Variants in C3orf52 observed in about 807,000 individuals in gnomAD.
C3orf52 encodes the protein TPA-induced transmembrane protein.
C3orf52 carries 22 observed loss-of-function variants against 24.8 expected under a neutral mutation model. The ratio of observed to expected loss-of-function variants is 0.89; its 90% CI spans 0.63 to 1.27. The LOEUF (loss-of-function observed/expected upper bound fraction) is 1.27, where lower values mean the gene tolerates loss of function less well. Ranked by LOEUF, C3orf52 falls within the 50% of genes most tolerant of loss-of-function variation. The pLI is 0.00. For synonymous variants in C3orf52, 93 were observed against 100.2 expected (o/e 0.93, Z 0.43); for missense variants, 265 against 260.7 (o/e 1.02, Z -0.11).
chr3:112,115,657 C>T (rs997899749), intron 5 of C3orf52, among the ~76,000 whole-genome samples: 1 of 152,070 alleles, frequency 6.6e-6, no homozygotes, highest in Non-Finnish European at 1.5e-5. Flanking sequence ...CGAGTATTTC[C>T]CTGAGGCCAG....
chr3:112,109,722 G>A (rs76067708), intron 4 of C3orf52, 109 bp downstream of exon 4: 28,804 of 668,556 alleles, frequency 0.043, 835 homozygotes, highest in South Asian at 0.1. Context: ...AGAGCATGAA[G>A]GGAACCTGTA....
intron 5 of C3orf52, among the ~76,000 whole-genome samples, chr3:112,113,638 G>A (rs866927952): frequency 2.0e-5 from 3 of 151,954 alleles, no homozygotes; most frequent in Admixed American, 6.6e-5. Context: ...ATTAATAGAG[G>A]GGTATACAAA....
Position 112,086,417 on chromosome 3 carries a change from G to GC in C3orf52, c.13dup (p.Gln5ProfsTer44), listed in dbSNP as rs755185953. 15 of 1,549,692 alleles carry GC rather than the reference G, an allele frequency of 9.7e-6. No homozygotes were observed. In the African/African-American group the frequency reaches 1.9e-4, roughly 20 times the overall value. On this transcript the variant is annotated frameshift_variant, in exon 1 of 6. Transcript: ENST00000264848. LOFTEE classifies it high-confidence loss of function. ...CTTTCCCTGCCGGCACATGGACCTG[G>GC]CCCAACCCTCACAGCCAGTAGACGA...
intron 2 of C3orf52, among the ~76,000 whole-genome samples, chr3:112,096,305 G>A (rs528126236): frequency 7.2e-5 from 11 of 152,354 alleles, no homozygotes; most frequent in South Asian, 2.1e-4. Flanking sequence ...GAAGCCATGC[G>A]TTGGGCAGCA....
intron 5 of C3orf52, among the ~76,000 whole-genome samples, chr3:112,116,098 A>G (rs905363636): frequency 2.0e-5 from 3 of 152,170 alleles, no homozygotes; most frequent in Non-Finnish European, 4.4e-5. Context: ...TTTTTGTGAG[A>G]GAGAAGAGGA....
At chr3:112,115,887 C>G (rs983890650) in intron 5 of C3orf52, among the ~76,000 whole-genome samples, 1 of 152,122 alleles carries the variant, frequency 6.6e-6, no homozygotes, top group Non-Finnish European at 1.5e-5. Context: ...TCCATCATCC[C>G]TCACCCTTCC....
At chr3:112,100,117 C>T (rs983447592) in intron 2 of C3orf52, among the ~76,000 whole-genome samples, 9 of 152,132 alleles carry the variant, frequency 5.9e-5, no homozygotes, top group Non-Finnish European at 1.2e-4. Flanking sequence ...CAAACTTGTG[C>T]CTGTTGGCCT....
intron 5 of C3orf52, among the ~76,000 whole-genome samples, chr3:112,114,168 T>C: frequency 6.6e-6 from 1 of 152,240 alleles, no homozygotes; most frequent in Middle Eastern, 3.4e-3. Context: ...AGGTGTTTAT[T>C]ATGATGATGA....
In C3orf52 at chr3:112,117,082, G is replaced by A; in HGVS notation, c.*436G>A. On this transcript the variant is annotated 3_prime_UTR_variant, in exon 6 of 6. Transcript: ENST00000264848. ...GCTACTTTTTCTTTAGTGCAGAGGT[G>A]CACTGTCTTCTTTTAGGTGGGATCG... 1.5e-6 allele frequency: 1 copy of A among 661,774 alleles called. No homozygotes were observed. The highest frequency in any genetic ancestry group is 2.0e-5 in the South Asian group (1 of 49,378). The allele number at this position is 661,774 out of a possible 1,614,324, so 41.0% of individuals were successfully genotyped here. A position where few individuals can be genotyped will look rare whatever the true frequency, so the allele number is the denominator to read the frequency against.
At position 112,128,094 on chromosome 3, in the gene C3orf52, G is replaced by T. The variant is rs776001923; in HGVS notation, c.*47-139G>T. 6 of 1,597,402 alleles carry T rather than the reference G, an allele frequency of 3.8e-6. No individual in the cohort carries two copies. In the East Asian group the frequency reaches 1.3e-4, roughly 36 times the overall value. On this transcript the variant is annotated intron_variant, in intron 4 of 4. Transcript: ENST00000480282. ...ACCCAAGAGAGATGGCAAATCATAA[G>T]GTTGATTTCTGCAGCTTTGTTAAGG...
Position 112,095,456 on chromosome 3 carries a change from G to T in C3orf52, c.268+1967G>T, listed in dbSNP as rs182159589. The stretch of plus-strand genomic sequence containing the variant: ...GGTTTAATATTCAGGATTCTAAAGC[G>T]CAAGACCCAGGATCTGTCTTCCATT... On this transcript the variant is annotated intron_variant, in intron 2 of 5. Transcript: ENST00000264848. 2.3e-3 allele frequency among the ~76,000 whole-genome samples: 349 copies of T among 152,186 alleles called. 2 individuals carry two copies. The highest frequency in any genetic ancestry group is 8.2e-3 in the African/African-American group (341 of 41,520).
chr3:112,132,413 T>C (rs140606714), downstream of C3orf52, among the ~76,000 whole-genome samples: 1 of 152,316 alleles, frequency 6.6e-6, no homozygotes, highest in African/African-American at 2.4e-5. Flanking sequence ...ACTATTTTGG[T>C]GGCACGGCTT....
chr3:112,109,753 T>G, intron 4 of C3orf52, 140 bp downstream of exon 4: 1 of 559,656 alleles, frequency 1.8e-6, no homozygotes, highest in Non-Finnish European at 3.2e-6. Context: ...AGAATGTCAG[T>G]GCTGGGAAGG....
intron 3 of C3orf52, among the ~76,000 whole-genome samples, chr3:112,106,672 GTTA>G (rs1489643121): frequency 2.0e-5 from 3 of 152,174 alleles, no homozygotes; most frequent in Admixed American, 6.5e-5. Flanking sequence ...TATACATATT[GTTA>G]TTATATCACA....
intron 2 of C3orf52, among the ~76,000 whole-genome samples, chr3:112,096,446 A>G (rs2073928054): frequency 6.6e-6 from 1 of 152,232 alleles, no homozygotes; most frequent in Non-Finnish European, 1.5e-5. Context: ...TATGGCATGT[A>G]GATAACGTTA....
intron 2 of C3orf52, among the ~76,000 whole-genome samples, chr3:112,095,513 A>G (rs1486593567): frequency 6.6e-6 from 1 of 152,210 alleles, no homozygotes; most frequent in African/African-American, 2.4e-5. Context: ...TTCACCTCAC[A>G]AAGAGCAGTC....
downstream of C3orf52, among the ~76,000 whole-genome samples, chr3:112,132,374 A>G (rs1264311855): frequency 6.6e-6 from 1 of 152,056 alleles, no homozygotes; most frequent in Non-Finnish European, 1.5e-5. Context: ...CCCACTTTAT[A>G]CCCTAGAGAT....
At chr3:112,105,539 C>CGTGTGTGTGTGTGTGT (rs3082397) in intron 3 of C3orf52, among the ~76,000 whole-genome samples, 12 of 148,140 alleles carry the variant, frequency 8.1e-5, no homozygotes, top group African/African-American at 2.5e-4. Flanking sequence ...CTTCTTTGGC[C>CGTGTGTGTGTGTGTGT]GTGTGTGTGT....
At chr3:112,093,588 T>C in intron 2 of C3orf52, 99 bp downstream of exon 2, 2 of 1,161,998 alleles carry the variant, frequency 1.7e-6, no homozygotes, top group South Asian at 1.6e-5. Flanking sequence ...GCCATTTCAT[T>C]ATTTATAATG....
Sources: gnomAD v4.1 joint callset for allele counts (sites outside exome capture counted in the v4.1 genomes callset) on GRCh38, gnomAD v4.1.1 for gene constraint, MANE v1.5 for transcripts, NCBI Gene and HGNC (gene_info 2026-07-23, HGNC 2026-07-21) for gene names.